MGMT: variants seen among roughly 807,000 people sequenced by gnomAD.
MGMT encodes the protein O-6-methylguanine-DNA methyltransferase.
In MGMT, 14 loss-of-function variants were observed where a neutral mutation model predicts 15.9. The observed-to-expected ratio is 0.88, with a 90% confidence interval of 0.58 to 1.37. The LOEUF is 1.37. MGMT is among the 40% of genes most tolerant of loss of function. MGMT has a pLI of 0.00. For missense variants in MGMT, 282 were observed against 268.1 expected (o/e 1.05, Z -0.36); for synonymous variants, 130 against 118.2 (o/e 1.10, Z -0.65).
intron 2 of MGMT, among the ~76,000 whole-genome samples, chr10:129,562,939 C>T (rs1386042129): frequency 6.6e-6 from 1 of 152,172 alleles, no homozygotes; most frequent in African/African-American, 2.4e-5. Context: ...GCAGAAGCAG[C>T]CTACGTGCAG....
At chr10:129,691,845 T>G (rs1358195443) in intron 2 of MGMT, among the ~76,000 whole-genome samples, 13 of 152,180 alleles carry the variant, frequency 8.5e-5, no homozygotes, top group Non-Finnish European at 1.2e-4. Flanking sequence ...GTTGAAAGTG[T>G]TAGAAGCCAC....
chr10:129,549,187 C>T (rs1362500751), intron 2 of MGMT, among the ~76,000 whole-genome samples: 1 of 152,166 alleles, frequency 6.6e-6, no homozygotes, highest in East Asian at 1.9e-4. Context: ...GATCCATTTC[C>T]TTCAGTTCTT....
At chr10:129,739,628 C>T (rs141636181) in intron 3 of MGMT, among the ~76,000 whole-genome samples, 30 of 151,810 alleles carry the variant, frequency 2.0e-4, no homozygotes, top group African/African-American at 6.0e-4. Flanking sequence ...TCAGAACTCC[C>T]CTACACCACA....
intron 2 of MGMT, among the ~76,000 whole-genome samples, chr10:129,600,277 G>A (rs986457106): frequency 1.3e-5 from 2 of 152,174 alleles, no homozygotes; most frequent in Admixed American, 1.3e-4. Context: ...GTTAGGGGTA[G>A]CTCTCACCTT....
At chr10:129,578,500 A>G (rs1846514271) in intron 2 of MGMT, among the ~76,000 whole-genome samples, 1 of 146,616 alleles carries the variant, frequency 6.8e-6, no homozygotes, top group African/African-American at 2.5e-5. Context: ...ACATGGACAC[A>G]GGAAGGGGAA....
intron 2 of MGMT, among the ~76,000 whole-genome samples, chr10:129,685,230 G>A (rs146135191): frequency 6.6e-6 from 1 of 152,194 alleles, no homozygotes; most frequent in East Asian, 1.9e-4. Context: ...GAACACTTTC[G>A]CAGCTTTAAT....
intron 2 of MGMT, among the ~76,000 whole-genome samples, chr10:129,592,045 A>G (rs919964565): frequency 6.6e-6 from 1 of 152,250 alleles, no homozygotes; most frequent in African/African-American, 2.4e-5. Flanking sequence ...GATGAAGTGA[A>G]GTGTGCGTAA....
chr10:129,637,125 A>C (rs957000973), intron 2 of MGMT, among the ~76,000 whole-genome samples: 4 of 152,230 alleles, frequency 2.6e-5, no homozygotes, highest in African/African-American at 9.6e-5. Flanking sequence ...TGCGTATCTG[A>C]AAAGCTCCAC....
rs1487874723 is a variant in MGMT at position 129,659,008 on chromosome 10, G to A, written c.126-48887G>A. On this transcript the variant is annotated intron_variant, in intron 2 of 4. Coordinates refer to ENST00000651593, the MANE Select transcript of MGMT (RefSeq NM_002412.5). The surrounding 1 kb of genome is among the most constrained non-coding windows in gnomAD (Gnocchi z 4.1). ...TTAATACACTAGCTTTGGATTTTGT[G>A]GCTGCAACAATAACAAAAAAAAATC... Among the ~76,000 whole-genome samples the A allele has an allele frequency of 6.6e-6, 1 of 152,004 alleles. No individual in the cohort carries two copies. The highest frequency in any genetic ancestry group is 2.4e-5 in the African/African-American group (1 of 41,362).
chr10:129,761,572 ATC>A (rs1231570628), intron 4 of MGMT, among the ~76,000 whole-genome samples: 4 of 152,182 alleles, frequency 2.6e-5, no homozygotes, highest in Admixed American at 6.5e-5. Context: ...CCTGCTATTA[ATC>A]TCTATGAGTG....
At chr10:129,559,795 A>T (rs2119806736) in intron 2 of MGMT, among the ~76,000 whole-genome samples, 1 of 152,318 alleles carries the variant, frequency 6.6e-6, no homozygotes, top group South Asian at 2.1e-4. Context: ...AAACTTTTAA[A>T]GTTTTTCTCA....
chr10:129,646,742 A>ATTTTT (rs1363807123), intron 2 of MGMT, among the ~76,000 whole-genome samples: 2 of 83,244 alleles, frequency 2.4e-5, no homozygotes, highest in Non-Finnish European at 5.4e-5. Context: ...ATATATATAT[A>ATTTTT]TATATATATA....
chr10:129,565,225 C>A (rs1298925949), intron 2 of MGMT, among the ~76,000 whole-genome samples: 2 of 151,754 alleles, frequency 1.3e-5, no homozygotes, highest in African/African-American at 4.8e-5. Context: ...AGTGTAGTGT[C>A]ATTTCCTCGT....
chr10:129,586,674 G>T (rs1846622176), intron 2 of MGMT, among the ~76,000 whole-genome samples: 3 of 152,178 alleles, frequency 2.0e-5, no homozygotes, highest in Non-Finnish European at 4.4e-5. Flanking sequence ...TTCGGCTGTT[G>T]CAGACACTGC....
chr10:129,505,819 A>T (rs969163590), intron 1 of MGMT, among the ~76,000 whole-genome samples: 1 of 152,130 alleles, frequency 6.6e-6, no homozygotes, highest in Admixed American at 6.5e-5. Context: ...TTCTTTGATT[A>T]TACTGGGCAT....
chr10:129,760,868 C>T (rs1006120310), intron 4 of MGMT, among the ~76,000 whole-genome samples: 12 of 152,124 alleles, frequency 7.9e-5, no homozygotes, highest in African/African-American at 2.7e-4. Context: ...GGCTGGTGGG[C>T]GCAATTGACC....
intron 2 of MGMT, among the ~76,000 whole-genome samples, chr10:129,600,866 T>G (rs1440254450): frequency 6.6e-6 from 1 of 152,192 alleles, no homozygotes; most frequent in Non-Finnish European, 1.5e-5. Context: ...GAAAACATTT[T>G]TCATAGTGGA....
chr10:129,626,439 C>T (rs953127842), intron 2 of MGMT, among the ~76,000 whole-genome samples: 13 of 152,134 alleles, frequency 8.5e-5, no homozygotes, highest in African/African-American at 2.7e-4. Flanking sequence ...GTGTGAGTTT[C>T]GGGGGTGATT....
intron 1 of MGMT, among the ~76,000 whole-genome samples, chr10:129,486,441 A>C (rs1238408708): frequency 6.6e-5 from 10 of 152,066 alleles, no homozygotes; most frequent in Non-Finnish European, 1.3e-4. Flanking sequence ...CACCTGCCTC[A>C]GCCTCCAGAA....
Sources: gnomAD v4.1 joint callset for allele counts (sites outside exome capture counted in the v4.1 genomes callset) on GRCh38, gnomAD v4.1.1 for gene constraint, Gnocchi (gnomAD v3.1) non-coding constraint, MANE v1.5 for transcripts, NCBI Gene and HGNC (gene_info 2026-07-23, HGNC 2026-07-21) for gene names.